SYT16: variants seen among roughly 807,000 people sequenced by gnomAD.
SYT16 encodes synaptotagmin-16.
A neutral mutation model predicts 61.4 loss-of-function variants in SYT16; 42 were observed. The ratio of observed to expected loss-of-function variants is 0.68; its 90% CI spans 0.53 to 0.89. The LOEUF (loss-of-function observed/expected upper bound fraction) is 0.89, where lower values mean the gene tolerates loss of function less well. Ranked by LOEUF, SYT16 falls within the 40% of genes least tolerant of loss-of-function variation. The pLI, the probability that SYT16 is intolerant of heterozygous loss-of-function variation, is 0.00. For missense variants in SYT16, 804 were observed against 807.3 expected (o/e 1.00, Z 0.05); for synonymous variants, 314 against 302.3 (o/e 1.04, Z -0.40).
chr14:61,851,914 C>A (rs1291054480), intron 1 of SYT16, among the ~76,000 whole-genome samples: 1 of 152,134 alleles, frequency 6.6e-6, no homozygotes, highest in African/African-American at 2.4e-5. Flanking sequence ...TAATTAGATC[C>A]CATTTGTCAA....
intron 3 of SYT16, among the ~76,000 whole-genome samples, chr14:62,054,269 A>G (rs1405336125): frequency 6.6e-6 from 1 of 151,728 alleles, no homozygotes; most frequent in Non-Finnish European, 1.5e-5. Context: ...TTCTAGTATA[A>G]GCATACCACC....
In SYT16 at chr14:61,817,154, T is replaced by C. The variant is rs535501318; in HGVS notation, c.-325+4344T>C. ...TAATGGGGCTAGTTGCGGTGGCTCA[T>C]GCCTGTAATCCGAGCACTTTGGGAG... On this transcript the variant is annotated intron_variant, in intron 1 of 7. Coordinates refer to ENST00000683842, the MANE Select transcript of SYT16 (RefSeq NM_001367656.1). 2.7e-5 allele frequency among the ~76,000 whole-genome samples: 4 copies of C among 150,266 alleles called. No homozygotes were observed. In the South Asian group the frequency reaches 8.4e-4, roughly 32 times the overall value.
At chr14:62,021,935 G>T (rs2053925155) in intron 3 of SYT16, among the ~76,000 whole-genome samples, 1 of 152,034 alleles carries the variant, frequency 6.6e-6, no homozygotes, top group Non-Finnish European at 1.5e-5. Flanking sequence ...GTCTCCCTTT[G>T]GAGGCTCCTG....
intron 6 of SYT16, among the ~76,000 whole-genome samples, chr14:62,081,980 C>A (rs73264242): frequency 6.6e-6 from 1 of 152,106 alleles, no homozygotes. Flanking sequence ...ACTAAGCAGG[C>A]GATGCCTCTG....
intron 1 of SYT16, among the ~76,000 whole-genome samples, chr14:61,924,105 G>T (rs2049443140): frequency 6.6e-6 from 1 of 152,214 alleles, no homozygotes; most frequent in Non-Finnish European, 1.5e-5. Context: ...GAAGTGGTGA[G>T]TCTTGCATAG....
intron 3 of SYT16, among the ~76,000 whole-genome samples, chr14:62,026,579 C>T (rs1448240900): frequency 1.3e-5 from 2 of 152,178 alleles, no homozygotes. Context: ...CTTAATACTA[C>T]CACTTTGGCA....
intron 1 of SYT16, among the ~76,000 whole-genome samples, chr14:61,841,003 T>C (rs1431582560): frequency 1.3e-5 from 2 of 151,954 alleles, no homozygotes; most frequent in African/African-American, 4.8e-5. Context: ...GGGAAGGCAA[T>C]GGGATTAAGT....
At chr14:62,028,573 T>A (rs764666661) in intron 3 of SYT16, among the ~76,000 whole-genome samples, 5 of 152,100 alleles carry the variant, frequency 3.3e-5, no homozygotes, top group Non-Finnish European at 5.9e-5. Flanking sequence ...TTTAGGTGAG[T>A]TGGAAAAATT....
chr14:62,068,365 AAAAAC>A (rs57308262), intron 3 of SYT16, among the ~76,000 whole-genome samples: 67,451 of 150,172 alleles, frequency 0.45, 17,566 homozygotes, highest in Non-Finnish European at 0.56. Context: ...TGGAATCTAA[AAAAAC>A]AAAACAAAAC....
intron 1 of SYT16, among the ~76,000 whole-genome samples, chr14:61,899,324 G>T (rs1237264287): frequency 6.6e-6 from 1 of 152,172 alleles, no homozygotes; most frequent in Non-Finnish European, 1.5e-5. Flanking sequence ...AGAGGCTGCT[G>T]AAATCTACTT....
At chr14:61,999,007 A>G (rs1312204874) in intron 3 of SYT16, among the ~76,000 whole-genome samples, 2 of 151,848 alleles carry the variant, frequency 1.3e-5, no homozygotes, top group Non-Finnish European at 2.9e-5. Flanking sequence ...CCACTTGGTC[A>G]TGTTATGGTA....
At chr14:61,999,735 T>A (rs2052916735) in intron 3 of SYT16, among the ~76,000 whole-genome samples, 1 of 151,844 alleles carries the variant, frequency 6.6e-6, no homozygotes, top group Non-Finnish European at 1.5e-5. Context: ...ATCTAATAAG[T>A]ATGAATGTAT....
chr14:61,928,514 A>T (rs2049627034), intron 1 of SYT16, among the ~76,000 whole-genome samples: 4 of 152,180 alleles, frequency 2.6e-5, no homozygotes, highest in Admixed American at 2.6e-4. Flanking sequence ...GAGGGTGTGT[A>T]GAAGGATTAG....
intron 7 of SYT16, among the ~76,000 whole-genome samples, chr14:62,100,100 G>A (rs1892053): frequency 0.25 from 37,461 of 152,146 alleles, 4,819 homozygotes; most frequent in Middle Eastern, 0.3. Context: ...ACCATTGCAC[G>A]TATGCCTGTG....
At chr14:62,056,824 C>T (rs1441596390) in intron 3 of SYT16, among the ~76,000 whole-genome samples, 2 of 152,202 alleles carry the variant, frequency 1.3e-5, no homozygotes, top group African/African-American at 2.4e-5. Flanking sequence ...GAAGACACGG[C>T]GGAGTCCCAG....
At chr14:61,945,944 C>T (rs1395022859) in intron 1 of SYT16, among the ~76,000 whole-genome samples, 2 of 146,146 alleles carry the variant, frequency 1.4e-5, no homozygotes, top group African/African-American at 5.0e-5. Flanking sequence ...TCATTCTCAG[C>T]AAACTAACAC....
intron 1 of SYT16, among the ~76,000 whole-genome samples, chr14:61,877,175 C>T (rs2047529172): frequency 6.6e-6 from 1 of 152,190 alleles, no homozygotes; most frequent in South Asian, 2.1e-4. Flanking sequence ...GTCTTCTTCC[C>T]TCCCAGGAAG....
intron 3 of SYT16, among the ~76,000 whole-genome samples, chr14:62,053,258 C>A (rs2055392125): frequency 6.6e-6 from 1 of 152,144 alleles, no homozygotes; most frequent in Non-Finnish European, 1.5e-5. Flanking sequence ...GTTTTTTGGA[C>A]AGTAGAGGAA....
intron 1 of SYT16, among the ~76,000 whole-genome samples, chr14:61,859,380 C>T (rs2046895808): frequency 6.6e-6 from 1 of 151,916 alleles, no homozygotes; most frequent in Admixed American, 6.6e-5. Flanking sequence ...GTGGGGTGAC[C>T]GGATTTGGGC....
Sources: gnomAD v4.1 joint callset for allele counts (sites outside exome capture counted in the v4.1 genomes callset) on GRCh38, gnomAD v4.1.1 for gene constraint, MANE v1.5 for transcripts, NCBI Gene and HGNC (gene_info 2026-07-23, HGNC 2026-07-21) for gene names.